The following AGL variants were observed in gnomAD, a reference collection of about 807,000 sequenced individuals.
AGL encodes the protein glycogen debranching enzyme.
AGL carries 128 observed loss-of-function variants against 199.3 expected under a neutral mutation model. The observed-to-expected ratio is 0.64, with a 90% CI of 0.56 to 0.74. The LOEUF is 0.74. Ranked by LOEUF, AGL falls within the 30% of genes least tolerant of loss-of-function variation. AGL has a pLI of 0.00. For synonymous variants in AGL, 584 were observed against 594.7 expected, an observed-to-expected ratio of 0.98 and a Z score of 0.26; for missense variants, 1,809 against 1,820.8, an observed-to-expected ratio of 0.99 and a Z score of 0.12.
At chr1:99,856,939 T>A (rs1420967730) in intron 2 of AGL, among the ~76,000 whole-genome samples, 3 of 152,232 alleles carry the variant, frequency 2.0e-5, no homozygotes, top group Non-Finnish European at 4.4e-5. Flanking sequence ...TGGCCCGTTC[T>A]CAATGAGCTG....
Position 99,915,427 on chromosome 1 carries a change from T to G in AGL, c.4200T>G (p.Ala1400=). 6.2e-7 allele frequency: 1 copy of G among 1,613,990 alleles called. No homozygotes were observed. Among genetic ancestry groups the G allele is most frequent in the Non-Finnish European group, 8.5e-7 (1 of 1,179,972 alleles). ...ELFTTEKAWK[A]LEIAEKKLLG... ...TTACTACAGAAAAAGCATGGAAAGC[T>G]TTGGAGATTGCAGAAAAAAAATTGC... The change falls in exon 31 of 34, where the codon GCT becomes GCG. Residue 1400 remains alanine (A), a synonymous_variant. Coordinates refer to ENST00000361915, the MANE Select transcript of AGL (RefSeq NM_000642.3).
chr1:99,870,948 C>A, intron 7 of AGL, 79 bp downstream of exon 7: 1 of 848,886 alleles, frequency 1.2e-6, no homozygotes, highest in East Asian at 2.6e-5. Context: ...TTTTGGGTAA[C>A]GTCATTATTA....
chr1:99,915,566 T>TG (rs1655055028), intron 31 of AGL, 80 bp downstream of exon 31: 7 of 1,153,198 alleles, frequency 6.1e-6, no homozygotes, highest in East Asian at 2.3e-5. Flanking sequence ...TTTTTTTTTT[T>TG]GCCAGGGCAA....
At chr1:99,850,612 A>G (rs1315415014) in intron 1 of AGL, 197 bp downstream of exon 1, 3 of 198,648 alleles carry the variant, frequency 1.5e-5, no homozygotes, top group Admixed American at 5.3e-5. Context: ...GAGCAGACTA[A>G]TCTCTTGTAA....
At chr1:99,850,136 A>G (rs1186269282), upstream of AGL, 2 of 152,332 alleles carry the variant, frequency 1.3e-5, no homozygotes, top group East Asian at 3.9e-4. Context: ...GAGTGCGCGC[A>G]CGGCCAGGTT....
intron 20 of AGL, among the ~76,000 whole-genome samples, 169 bp from the exon 21 acceptor site, chr1:99,887,809 C>T (rs1652563084): frequency 6.6e-6 from 1 of 151,960 alleles, no homozygotes; most frequent in Admixed American, 6.6e-5. Context: ...ACAATTTGTC[C>T]TTTAATAATT....
At chr1:99,902,220 AT>A (rs1252518026) in intron 26 of AGL, among the ~76,000 whole-genome samples, 7 of 152,166 alleles carry the variant, frequency 4.6e-5, no homozygotes, top group Admixed American at 1.3e-4. Flanking sequence ...TGACTTATGA[AT>A]TCTTTACATT....
intron 7 of AGL, among the ~76,000 whole-genome samples, chr1:99,872,454 A>G (rs1651098497): frequency 6.6e-6 from 1 of 152,196 alleles, no homozygotes; most frequent in Non-Finnish European, 1.5e-5. Flanking sequence ...CCAACTTAAT[A>G]TTATCACTAA....
At chr1:99,854,204 T>A (rs547202921) in intron 2 of AGL, among the ~76,000 whole-genome samples, 4 of 151,606 alleles carry the variant, frequency 2.6e-5, no homozygotes, top group Admixed American at 6.6e-5. Flanking sequence ...TAAAAAAAAA[T>A]AAAAAATAAA....
rs368435664 is a variant in AGL at position 99,884,450 on chromosome 1, A to G, written c.2545A>G (p.Arg849Gly). 12 of 1,608,118 alleles carry G rather than the reference A, an allele frequency of 7.5e-6. No homozygotes were observed. Among genetic ancestry groups the G allele is most frequent in the Admixed American group, 1.7e-5 (1 of 59,854 alleles). Residue 849 changes from arginine to glycine, a missense_variant and splice_region_variant, in exon 19 of 34, where the codon AGA becomes GGA. Physicochemically the swap from Arg to Gly is moderately radical, Grantham distance 125 (BLOSUM62 -2). Transcript: ENST00000361915. ...GTCTCCAGGAAGTGTTATTATATTC[A>G]GGTATGTTAATTGAGCTCAAACTGT... Reference protein sequence around the residue: ...NLSPGSVIIFRVSLDPHAQVA... With the variant: ...NLSPGSVIIFGVSLDPHAQVA...
chr1:99,875,557 T>C, intron 10 of AGL, 102 bp downstream of exon 10: 2 of 970,162 alleles, frequency 2.1e-6, no homozygotes, highest in Admixed American at 4.1e-5. Flanking sequence ...GTGAGTTCAG[T>C]ACATTTCTTA....
At chr1:99,874,144 A>C (rs1040964150) in intron 7 of AGL, among the ~76,000 whole-genome samples, 1 of 152,078 alleles carries the variant, frequency 6.6e-6, no homozygotes, top group Non-Finnish European at 1.5e-5. Context: ...CAGGTTGTTA[A>C]TAAGACTTCA....
chr1:99,897,715 G>A (rs1370326253), intron 25 of AGL, among the ~76,000 whole-genome samples: 2 of 152,056 alleles, frequency 1.3e-5, no homozygotes, highest in Non-Finnish European at 2.9e-5. Context: ...TAAGAACTTC[G>A]GCTTTACACC....
At chr1:99,861,192 G>C in intron 2 of AGL, 1 of 1,223,086 alleles carries the variant, frequency 8.2e-7, no homozygotes, top group South Asian at 1.7e-5. Context: ...GAGGATGGGG[G>C]ATCATGGTAA....
Position 99,880,525 on chromosome 1 carries a change from T to A in AGL, c.1736-107T>A, listed in dbSNP as rs1651925480. On this transcript the variant is annotated intron_variant, in intron 13 of 33. Coordinates refer to ENST00000361915, the MANE Select transcript of AGL (RefSeq NM_000642.3). Reference sequence around the variant, plus strand: ...ATCCTTAAAGCAGTTTTATTTTTTATAATATTGATGTGGTCTTTATTTTGA... The same window carrying A: ...ATCCTTAAAGCAGTTTTATTTTTTAAAATATTGATGTGGTCTTTATTTTGA... 3 of 1,283,530 alleles carry A rather than the reference T, an allele frequency of 2.3e-6. No homozygotes were observed. In the South Asian group the frequency reaches 3.9e-5, roughly 17 times the overall value. 79.5% of individuals were successfully genotyped at this position (1,283,530 alleles called of 1,614,324 possible). A position where few individuals can be genotyped will look rare whatever the true frequency, so the allele number is the denominator to read the frequency against.
At chr1:99,890,003 C>T (rs947192398) in intron 21 of AGL, among the ~76,000 whole-genome samples, 2 of 152,164 alleles carry the variant, frequency 1.3e-5, no homozygotes, top group African/African-American at 2.4e-5. Flanking sequence ...CCTTATAATA[C>T]GGTATATCTA....
Position 99,888,024 on chromosome 1 carries a change from C to A in AGL, c.2728C>A (p.Arg910=). 1 of 1,613,364 alleles carries A rather than the reference C, an allele frequency of 6.2e-7. No homozygotes were observed. Among genetic ancestry groups the A allele is most frequent in the Non-Finnish European group, 8.5e-7 (1 of 1,179,580 alleles). Residue 910 remains arginine, a synonymous_variant, in exon 21 of 34, where the codon CGA becomes AGA. Coordinates refer to ENST00000361915, the MANE Select transcript of AGL (RefSeq NM_000642.3). The part of the protein sequence containing the change: ...TLAELNQILY[R]CESEEKEDGG... ...GGCTGAGCTAAATCAGATCCTTTACCGATGTGAATCAGAAGAAAAGGAAGA... is the reference window on the plus strand; with the variant it reads ...GGCTGAGCTAAATCAGATCCTTTACAGATGTGAATCAGAAGAAAAGGAAGA...
intron 2 of AGL, among the ~76,000 whole-genome samples, chr1:99,855,444 G>A (rs1416337992): frequency 6.6e-6 from 1 of 152,078 alleles, no homozygotes; most frequent in Non-Finnish European, 1.5e-5. Context: ...AATAAATAAT[G>A]ATCTTTTCTA....
intron 20 of AGL, among the ~76,000 whole-genome samples, chr1:99,886,062 A>C (rs1028676579): frequency 3.9e-5 from 6 of 152,212 alleles, no homozygotes; most frequent in Non-Finnish European, 1.5e-5. Flanking sequence ...AGCTCTATCC[A>C]AGAGTTTCCA....
Sources: gnomAD v4.1 joint callset for allele counts (sites outside exome capture counted in the v4.1 genomes callset) on GRCh38, gnomAD v4.1.1 for gene constraint, MANE v1.5 for transcripts, NCBI Gene and HGNC (gene_info 2026-07-23, HGNC 2026-07-21) for gene names.